Variants in ACACA observed in about 807,000 individuals in gnomAD.
ACACA encodes the protein acetyl-CoA carboxylase alpha, also known as acetyl-CoA carboxylase 1.
Under a neutral mutation model 296.1 loss-of-function variants are expected in ACACA, and 103 were observed. The ratio of observed to expected loss-of-function variants is 0.35; its 90% CI spans 0.30 to 0.41. The LOEUF is 0.41. Ranked by LOEUF, ACACA falls within the 10% of genes least tolerant of loss-of-function variation. The probability of loss-of-function intolerance (pLI) is 1.00; values close to 1 mark genes in which losing one functional copy is unlikely to be tolerated. For missense variants in ACACA, 1,554 were observed against 2,989.7 expected (o/e 0.52, Z 11.20); for synonymous variants, 953 against 1,038.6 (o/e 0.92, Z 1.58).
At chr17:37,147,483 C>T (rs957043000) in intron 45 of ACACA, among the ~76,000 whole-genome samples, 10 of 152,302 alleles carry the variant, frequency 6.6e-5, no homozygotes, top group Middle Eastern at 3.4e-3. Flanking sequence ...AACACCAGCA[C>T]ACACAAAGAC....
intron 41 of ACACA, among the ~76,000 whole-genome samples, chr17:37,174,124 G>A (rs574963419): frequency 1.6e-4 from 23 of 142,048 alleles, no homozygotes; most frequent in Admixed American, 1.5e-3. Context: ...GTCTCCCAAA[G>A]TGTTGGGATT....
In ACACA at chr17:37,136,590, A is replaced by G. The variant is rs548887738; in HGVS notation, c.5680-6372T>C. On this transcript the variant is annotated intron_variant, in intron 45 of 55. Transcript: ENST00000616317. ...CATTTTGCATTCCCACCAACAATCTATGAGAGTTCCAGCTGTCCTGCATCC... is the reference window on the plus strand; with the variant it reads ...CATTTTGCATTCCCACCAACAATCTGTGAGAGTTCCAGCTGTCCTGCATCC... Among the ~76,000 whole-genome samples, 3 of 152,130 alleles carry G rather than the reference A, an allele frequency of 2.0e-5. No individual in the cohort carries two copies. In the South Asian group the frequency reaches 6.2e-4, roughly 32 times the overall value.
chr17:37,176,664 C>T lies in ACACA; in HGVS notation c.5079+2596G>A, dbSNP rs191387605. 2.8e-4 allele frequency among the ~76,000 whole-genome samples: 42 copies of T among 152,324 alleles called. No individual in the cohort carries two copies. The East Asian group carries it at 5.4e-3, about 20-fold the overall frequency. ...GCTCAGCACGAGGAAATACATCCTA[C>T]TGACACTTTGTCATCTCTTAGGCAC... On this transcript the variant is annotated intron_variant, in intron 41 of 55. Transcript: ENST00000616317.
chr17:37,343,489 G>A (rs1253464425), intron 1 of ACACA, among the ~76,000 whole-genome samples: 4 of 152,006 alleles, frequency 2.6e-5, no homozygotes, highest in African/African-American at 4.8e-5. Flanking sequence ...CAAAGAGGCC[G>A]GGTGCAGTGG....
At chr17:37,109,798 G>A (rs1350132477) in intron 52 of ACACA, among the ~76,000 whole-genome samples, 1 of 152,166 alleles carries the variant, frequency 6.6e-6, no homozygotes, top group South Asian at 2.1e-4. Context: ...TGCAAAAGGA[G>A]AAAGGATCCC....
intron 33 of ACACA, among the ~76,000 whole-genome samples, chr17:37,202,740 G>T (rs541083679): frequency 5.6e-5 from 7 of 124,500 alleles, no homozygotes; most frequent in Non-Finnish European, 8.2e-5. Flanking sequence ...TTAACAAGGA[G>T]ATGAAAATGC....
intron 1 of ACACA, chr17:37,391,733 G>T (rs2147812789): frequency 6.2e-7 from 1 of 1,610,992 alleles, no homozygotes. Flanking sequence ...GAAAAGTTCT[G>T]CTCTATCTCA....
intron 2 of ACACA, among the ~76,000 whole-genome samples, chr17:37,331,124 T>C (rs1485924768): frequency 6.7e-6 from 1 of 149,866 alleles, no homozygotes; most frequent in African/African-American, 2.5e-5. Context: ...TATTTATTTA[T>C]TTATTTATTT....
intron 3 of ACACA, among the ~76,000 whole-genome samples, chr17:37,298,880 A>T (rs186982069): frequency 6.6e-6 from 1 of 152,322 alleles, no homozygotes; most frequent in East Asian, 1.9e-4. Context: ...ACACATTCTA[A>T]AAAAGTTTTC....
chr17:37,227,656 C>T (rs535944295), intron 25 of ACACA, among the ~76,000 whole-genome samples: 8 of 152,176 alleles, frequency 5.3e-5, no homozygotes, highest in African/African-American at 1.4e-4. Flanking sequence ...ATCACGAGGT[C>T]GAGACCATCC....
At chr17:37,349,847 C>G (rs2048815507) in intron 1 of ACACA, among the ~76,000 whole-genome samples, 1 of 152,122 alleles carries the variant, frequency 6.6e-6, no homozygotes. Context: ...GCATGAGCCA[C>G]TGCACCTGGC....
intron 11 of ACACA, among the ~76,000 whole-genome samples, 186 bp from the exon 12 acceptor site, chr17:37,259,716 C>G (rs187478670): frequency 6.6e-6 from 1 of 151,922 alleles, no homozygotes; most frequent in Non-Finnish European, 1.5e-5. Context: ...AATGAAAAAT[C>G]GGGAGAAAAG....
chr17:37,342,891 G>GT (rs1402049052), intron 1 of ACACA, among the ~76,000 whole-genome samples: 1 of 151,996 alleles, frequency 6.6e-6, no homozygotes, highest in Non-Finnish European at 1.5e-5. Flanking sequence ...AAGTGCCACT[G>GT]TACTCCAGCC....
At chr17:37,359,113 G>C in intron 1 of ACACA, 12 of 985,544 alleles carry the variant, frequency 1.2e-5, no homozygotes, top group Non-Finnish European at 1.4e-5. Flanking sequence ...GCAGCACCAG[G>C]CCGGCCCGGC....
intron 8 of ACACA, 62 bp from the exon 9 acceptor site, chr17:37,274,361 C>T (rs76298822): frequency 0.021 from 30,328 of 1,435,020 alleles, 429 homozygotes; most frequent in Middle Eastern, 0.032. Context: ...CAATTTTCTG[C>T]TCTGCATTCT....
chr17:37,362,900 G>A (rs550231674), intron 1 of ACACA, among the ~76,000 whole-genome samples: 50 of 151,440 alleles, frequency 3.3e-4, no homozygotes, highest in Admixed American at 1.5e-3. Context: ...GCGCGAACCC[G>A]GGAGGCGGAG....
chr17:37,406,134 T>A, intron 1 of ACACA, 128 bp downstream of exon 1: 1 of 1,060,080 alleles, frequency 9.4e-7, no homozygotes, highest in Non-Finnish European at 1.5e-6. Flanking sequence ...GGTGCCTACC[T>A]CACAAGTTTT....
rs895944715 is a variant in ACACA, at chr17:37,258,109, C to T, written c.1662+103G>A. The T allele has an allele frequency of 5.0e-6, 7 of 1,409,608 alleles. No individual in the cohort carries two copies. In the African/African-American group the frequency reaches 1.0e-4, roughly 20 times the overall value. 87.3% of individuals were successfully genotyped at this position (1,409,608 alleles called of 1,614,324 possible). On this transcript the variant is annotated intron_variant, in intron 13 of 55. Coordinates refer to ENST00000616317, the MANE Select transcript of ACACA (RefSeq NM_198834.3). ...CTCTGAGAAACCTCTATGTTTCCCA[C>T]TCCAGAGGAAGTCCCAAGATATTTC...
rs189250811 is a variant in ACACA at position 37,187,729 on chromosome 17, A to T, written c.4776+548T>A. Among the ~76,000 whole-genome samples the T allele has an allele frequency of 4.6e-5, 7 of 152,372 alleles. No individual in the cohort carries two copies. In the East Asian group the frequency reaches 1.2e-3, roughly 25 times the overall value. On this transcript the variant is annotated intron_variant, in intron 39 of 55. Transcript: ENST00000616317. Reference sequence around the variant, plus strand: ...AAATCTTTGAAGGAAAGGGAACAACATAATAGATAACACAATAAATATGAT... The same window carrying T: ...AAATCTTTGAAGGAAAGGGAACAACTTAATAGATAACACAATAAATATGAT...
Sources: allele counts gnomAD v4.1 joint callset (sites outside exome capture counted in the v4.1 genomes callset), GRCh38; gene constraint gnomAD v4.1.1; transcripts MANE v1.5; gene names NCBI Gene and HGNC (gene_info 2026-07-23, HGNC 2026-07-21).